EDNRB: variants seen among roughly 807,000 people sequenced by gnomAD.
EDNRB encodes Hirschsprung disease 2.
Under a neutral mutation model 46.4 loss-of-function variants are expected in EDNRB, and 18 were observed. The observed-to-expected ratio is 0.39, with a 90% CI of 0.27 to 0.57. EDNRB has a LOEUF of 0.57. Ranked by LOEUF, EDNRB falls within the 20% of genes least tolerant of loss-of-function variation. The probability of loss-of-function intolerance (pLI) is 0.61; values close to 1 mark genes in which losing one functional copy is unlikely to be tolerated. For synonymous variants in EDNRB, 213 were observed against 204.9 expected, an observed-to-expected ratio of 1.04 and a Z score of -0.34; for missense variants, 434 against 537.5, an observed-to-expected ratio of 0.81 and a Z score of 1.90.
intron 1 of EDNRB, among the ~76,000 whole-genome samples, chr13:77,910,862 G>A (rs1879532271): frequency 6.6e-6 from 1 of 151,702 alleles, no homozygotes; most frequent in Non-Finnish European, 1.5e-5. Context: ...ATAGAACAAT[G>A]GCTTATGAAA....
rs1161220061 is a variant in EDNRB at position 77,895,999 on chromosome 13, G to A, written c.*2201C>T. ...TTAATACTAGGAAACATGTTTTGAA[G>A]TTGAACGATAGCACCTTTTTCTATC... is the stretch of plus-strand genomic sequence containing the variant. On this transcript the variant is annotated 3_prime_UTR_variant, in exon 7 of 7. Transcript: ENST00000646607. 6.5e-6 allele frequency: 1 copy of A among 152,866 alleles called. No individual in the cohort carries two copies. Among genetic ancestry groups the A allele is most frequent in the African/African-American group, 2.4e-5 (1 of 41,424 alleles). The allele number at this position is 152,866 out of a possible 1,614,324, so 9.5% of individuals were successfully genotyped here.
chr13:77,931,773 A>C (rs1359305736), intron 1 of EDNRB, among the ~76,000 whole-genome samples: 5 of 143,168 alleles, frequency 3.5e-5, no homozygotes, highest in African/African-American at 1.3e-4. Flanking sequence ...AAAAAAAAAA[A>C]ACAAAAAAAA....
chr13:77,962,636 T>A lies in EDNRB; in HGVS notation c.-52+12711A>T, dbSNP rs190091847. Among the ~76,000 whole-genome samples, 15 of 152,270 alleles carry A rather than the reference T, an allele frequency of 9.9e-5. No homozygotes were observed. The East Asian group carries it at 2.5e-3, about 26-fold the overall frequency. ...GGACATATCTCAAAATCATAAGAGCTATTTATGACAAACTCACAGCCAGTA... is the reference window on the plus strand; with the variant it reads ...GGACATATCTCAAAATCATAAGAGCAATTTATGACAAACTCACAGCCAGTA... On this transcript the variant is annotated intron_variant, in intron 1 of 7. Transcript: ENST00000646948.
chr13:77,899,435 C>A, intron 6 of EDNRB: 1 of 172,898 alleles, frequency 5.8e-6, no homozygotes, highest in Admixed American at 5.6e-5. Flanking sequence ...TTTTGTTTAC[C>A]TTGCTATTCT....
intron 1 of EDNRB, among the ~76,000 whole-genome samples, chr13:77,962,219 C>T (rs1881442239): frequency 6.6e-6 from 1 of 152,112 alleles, no homozygotes; most frequent in Non-Finnish European, 1.5e-5. Flanking sequence ...GAGCTGGTAC[C>T]ATTCCTTCTG....
chr13:77,938,556 C>G (rs1880636962), intron 1 of EDNRB, among the ~76,000 whole-genome samples: 1 of 152,072 alleles, frequency 6.6e-6, no homozygotes, highest in East Asian at 1.9e-4. Flanking sequence ...GCAGGCGTCC[C>G]CGCGTGGTCA....
At chr13:77,909,969 G>A (rs997126607) in intron 1 of EDNRB, among the ~76,000 whole-genome samples, 1 of 151,846 alleles carries the variant, frequency 6.6e-6, no homozygotes, top group Non-Finnish European at 1.5e-5. Context: ...TTCCATGCAG[G>A]GCGGAAAAGG....
At chr13:77,975,299 C>A (rs1376226614) in intron 1 of EDNRB, 1 of 152,278 alleles carries the variant, frequency 6.6e-6, no homozygotes, top group Non-Finnish European at 1.5e-5. Context: ...GTGAGCAAGC[C>A]ACGCTTCTAC....
intron 1 of EDNRB, among the ~76,000 whole-genome samples, chr13:77,945,704 C>T (rs1423682746): frequency 1.3e-5 from 2 of 151,914 alleles, no homozygotes; most frequent in Non-Finnish European, 1.5e-5. Flanking sequence ...AATAAGGACA[C>T]TAGAAAAATT....
Position 77,898,167 on chromosome 13 carries a change from A to G in EDNRB, c.*33T>C. The G allele has an allele frequency of 6.2e-7, 1 of 1,607,260 alleles. No individual in the cohort carries two copies. The highest frequency in any genetic ancestry group is 1.7e-5 in the Admixed American group (1 of 59,616). On this transcript the variant is annotated 3_prime_UTR_variant, in exon 7 of 7. Coordinates refer to ENST00000646607, the MANE Select transcript of EDNRB (RefSeq NM_001122659.3). The stretch of plus-strand genomic sequence containing the variant: ...TGTTTTAATGACTTCGGTCCAATAT[A>G]AAGAAAATGAAATACAGTGAATAGT...
chr13:77,919,010 G>A, upstream of EDNRB: 1 of 725,978 alleles, frequency 1.4e-6, no homozygotes, highest in African/African-American at 1.8e-5. Context: ...AAGGCACCTA[G>A]AGGCCAAGGG....
At chr13:77,957,479 G>A (rs11838546) in intron 1 of EDNRB, among the ~76,000 whole-genome samples, 5,440 of 152,174 alleles carry the variant, frequency 0.036, 162 homozygotes, top group East Asian at 0.087. Context: ...TTTTACTTAG[G>A]CATCACAGTT....
chr13:77,956,939 C>T (rs868447292), intron 1 of EDNRB, among the ~76,000 whole-genome samples: 5 of 152,134 alleles, frequency 3.3e-5, no homozygotes, highest in Middle Eastern at 3.2e-3. Flanking sequence ...TCAAAAGGTC[C>T]TTATAAAGTC....
At chr13:77,915,157 A>T (rs887552939) in intron 1 of EDNRB, among the ~76,000 whole-genome samples, 20 of 152,098 alleles carry the variant, frequency 1.3e-4, no homozygotes, top group Non-Finnish European at 1.6e-4. Flanking sequence ...TAAATGCATT[A>T]AAAAAACTAC....
At chr13:77,931,509 G>C (rs542980123) in intron 1 of EDNRB, among the ~76,000 whole-genome samples, 1 of 152,092 alleles carries the variant, frequency 6.6e-6, no homozygotes, top group East Asian at 1.9e-4. Context: ...AGGTGGTTTT[G>C]TTGTTGTTTG....
chr13:77,900,976 G>A (rs565811647), intron 4 of EDNRB, 82 bp downstream of exon 4: 214 of 1,528,320 alleles, frequency 1.4e-4, no homozygotes, highest in Middle Eastern at 7.1e-4. Flanking sequence ...AATAATGTTA[G>A]TTTATCATCA....
chr13:77,917,615 C>T (rs1879875881), intron 1 of EDNRB, among the ~76,000 whole-genome samples: 1 of 152,172 alleles, frequency 6.6e-6, no homozygotes, highest in African/African-American at 2.4e-5. Context: ...ATGGACCACA[C>T]ACTTTTGACT....
At chr13:77,942,623 T>G (rs1166801564) in intron 1 of EDNRB, among the ~76,000 whole-genome samples, 1 of 152,150 alleles carries the variant, frequency 6.6e-6, no homozygotes, top group Non-Finnish European at 1.5e-5. Flanking sequence ...TAAAGGCCAA[T>G]TGGCAATATG....
chr13:77,925,892 C>T lies in EDNRB; in HGVS notation c.-51-7268G>A, dbSNP rs899990281. Among the ~76,000 whole-genome samples the T allele has an allele frequency of 3.3e-5, 5 of 152,218 alleles. No individual in the cohort carries two copies. The South Asian group carries it at 1.0e-3, about 32-fold the overall frequency. Reference sequence around the variant, plus strand: ...GAAAGCAGCCAGAGGCGAGGCTGTACCCTGCAAAGCCACAGGGGCAGAGCT... The same window carrying T: ...GAAAGCAGCCAGAGGCGAGGCTGTATCCTGCAAAGCCACAGGGGCAGAGCT... On this transcript the variant is annotated intron_variant, in intron 1 of 7. Coordinates refer to the EDNRB transcript ENST00000646948.
Sources: gnomAD v4.1 joint callset for allele counts (sites outside exome capture counted in the v4.1 genomes callset) on GRCh38, gnomAD v4.1.1 for gene constraint, MANE v1.5 for transcripts, NCBI Gene and HGNC (gene_info 2026-07-23, HGNC 2026-07-21) for gene names.